The following RBM33 variants were observed in gnomAD, a reference collection of about 807,000 sequenced individuals.
RBM33 encodes RNA binding motif protein 33, also known as RNA-binding protein 33.
A neutral mutation model predicts 132.6 loss-of-function variants in RBM33; 28 were observed. The observed-to-expected ratio is 0.21, with a 90% CI of 0.16 to 0.29. The LOEUF (loss-of-function observed/expected upper bound fraction) is 0.29, where lower values mean the gene tolerates loss of function less well. Ranked by LOEUF, RBM33 falls within the 10% of genes least tolerant of loss-of-function variation. The pLI is 1.00. For synonymous variants in RBM33, 634 were observed against 593.0 expected, an observed-to-expected ratio of 1.07 and a Z score of -1.01; for missense variants, 1,291 against 1,518.5, an observed-to-expected ratio of 0.85 and a Z score of 2.49.
intron 1 of RBM33, among the ~76,000 whole-genome samples, chr7:155,646,294 A>G (rs1798190849): frequency 6.6e-6 from 1 of 152,252 alleles, no homozygotes; most frequent in African/African-American, 2.4e-5. Flanking sequence ...AATTTCTAAA[A>G]TAGTAATATC....
intron 14 of RBM33, among the ~76,000 whole-genome samples, chr7:155,754,791 C>T (rs1282261210): frequency 6.6e-6 from 1 of 152,242 alleles, no homozygotes; most frequent in Non-Finnish European, 1.5e-5. Context: ...GCTAAGAGAA[C>T]CCTTTTCTTT....
chr7:155,727,205 G>A (rs974720388), intron 9 of RBM33, among the ~76,000 whole-genome samples: 22 of 152,194 alleles, frequency 1.4e-4, no homozygotes, highest in African/African-American at 1.4e-4. Flanking sequence ...ATTCCAGGCC[G>A]AAAGGAGGAG....
At chr7:155,697,574 A>C (rs1008987544) in intron 5 of RBM33, among the ~76,000 whole-genome samples, 1 of 151,972 alleles carries the variant, frequency 6.6e-6, no homozygotes, top group African/African-American at 2.4e-5. Context: ...CTCTCTATAT[A>C]TATAGATTTG....
chr7:155,692,640 T>TCTCCTA (rs1799679155), intron 5 of RBM33, among the ~76,000 whole-genome samples: 9 of 152,194 alleles, frequency 5.9e-5, no homozygotes, highest in Non-Finnish European at 4.4e-5. Context: ...CAGATAACAT[T>TCTCCTA]GTCCTAGTCT....
intron 14 of RBM33, among the ~76,000 whole-genome samples, chr7:155,749,597 A>AATG (rs372803053): frequency 1.9e-4 from 29 of 149,924 alleles, no homozygotes; most frequent in Middle Eastern, 3.4e-3. Context: ...CTCCTAGGAT[A>AATG]ATGATGATGA....
At chr7:155,653,461 G>A (rs1798409542) in intron 1 of RBM33, among the ~76,000 whole-genome samples, 1 of 151,726 alleles carries the variant, frequency 6.6e-6, no homozygotes, top group South Asian at 2.1e-4. Context: ...CTACACTAAT[G>A]AGATGGCTTA....
At chr7:155,690,452 A>G (rs1167455666) in intron 5 of RBM33, among the ~76,000 whole-genome samples, 1 of 152,174 alleles carries the variant, frequency 6.6e-6, no homozygotes, top group Non-Finnish European at 1.5e-5. Flanking sequence ...TAATTGGAGC[A>G]TTTAGCCCAT....
At chr7:155,739,668 G>C (rs1286372348) in intron 11 of RBM33, 47 bp from the exon 12 acceptor site, 1 of 1,495,434 alleles carries the variant, frequency 6.7e-7, no homozygotes, top group South Asian at 1.3e-5. Context: ...ATTATGCCCG[G>C]TGTAACCATT....
chr7:155,667,886 T>A (rs1025369770), intron 2 of RBM33, among the ~76,000 whole-genome samples: 4 of 152,212 alleles, frequency 2.6e-5, no homozygotes, highest in Non-Finnish European at 5.9e-5. Flanking sequence ...AATAGACTAG[T>A]ACAGTGAACC....
At chr7:155,716,201 G>C (rs1253074233) in intron 8 of RBM33, among the ~76,000 whole-genome samples, 1 of 152,142 alleles carries the variant, frequency 6.6e-6, no homozygotes, top group East Asian at 1.9e-4. Flanking sequence ...ACATGCCTGG[G>C]TATTCCCACT....
chr7:155,671,585 G>T (rs1372675985), intron 2 of RBM33, among the ~76,000 whole-genome samples: 75 of 152,128 alleles, frequency 4.9e-4, no homozygotes, highest in Non-Finnish European at 1.5e-5. Context: ...CTGCAAAGTG[G>T]CATGCTAAAA....
In RBM33 at chr7:155,776,081, A is replaced by C. The variant is rs907801178; in HGVS notation, c.*1040A>C. 1 of 152,380 alleles carries C rather than the reference A, an allele frequency of 6.6e-6. No individual in the cohort carries two copies. The highest frequency in any genetic ancestry group is 1.5e-5 in the Non-Finnish European group (1 of 68,052). 9.4% of individuals were successfully genotyped at this position (152,380 alleles called of 1,614,324 possible). ...CTTTCTTCCAGCCCCAAATGAGACG[A>C]GTCTGTGTCATCATTGAAACTGCTT... On this transcript the variant is annotated 3_prime_UTR_variant, in exon 18 of 18. Transcript: ENST00000401878. The surrounding 1 kb of genome is among the most constrained non-coding windows in gnomAD (Gnocchi z 4.0).
At chr7:155,732,927 G>T (rs1397652640) in intron 9 of RBM33, among the ~76,000 whole-genome samples, 2 of 152,192 alleles carry the variant, frequency 1.3e-5, no homozygotes, top group Non-Finnish European at 2.9e-5. Context: ...CCAGTTCATG[G>T]GATTCTTCGT....
rs11417256 is a variant in RBM33 at position 155,693,332 on chromosome 7, C to CTT, written c.568-7431_568-7430dup. ...TGTTTCACTCTTGTGATTTTTTTTT[C>CTT]TTTTTTTTTTTCTTTTTTTGCTGTT... is the stretch of plus-strand genomic sequence containing the variant. On this transcript the variant is annotated intron_variant, in intron 5 of 17. Coordinates refer to ENST00000401878, the MANE Select transcript of RBM33 (RefSeq NM_053043.3). 3.5e-3 allele frequency among the ~76,000 whole-genome samples: 513 copies of CTT among 146,688 alleles called. 1 individual carries two copies. Among genetic ancestry groups the CTT allele is most frequent in the Middle Eastern group, 0.011 (3 of 284 alleles).
chr7:155,645,485 T>G (rs1798159471), intron 1 of RBM33, among the ~76,000 whole-genome samples: 1 of 152,266 alleles, frequency 6.6e-6, no homozygotes, highest in South Asian at 2.1e-4. Flanking sequence ...ATTTGTTGTC[T>G]AATAACCTGT....
At chr7:155,650,030 C>T (rs1161607961) in intron 1 of RBM33, among the ~76,000 whole-genome samples, 1 of 152,200 alleles carries the variant, frequency 6.6e-6, no homozygotes, top group Non-Finnish European at 1.5e-5. Context: ...CCAACACTCT[C>T]ATTCCTTCAT....
Position 155,740,020 on chromosome 7 carries a change from C to A in RBM33, c.2043C>A (p.Leu681=). The change falls in exon 12 of 18, where the codon CTC becomes CTA. Residue 681 remains leucine, a synonymous_variant. Transcript: ENST00000401878. Reference sequence around the variant, plus strand: ...TGCAGTGCCCCCAGCGCCAGGGGCTCCGGCATGTAAGTGTCAAGGGGTGTC... The same window carrying A: ...TGCAGTGCCCCCAGCGCCAGGGGCTACGGCATGTAAGTGTCAAGGGGTGTC... The part of the protein sequence containing the change: ...SRMQCPQRQG[L]RHNTTSQNVS... The A allele has an allele frequency of 1.3e-6, 2 of 1,544,100 alleles. No homozygotes were observed. The highest frequency in any genetic ancestry group is 2.3e-5 in the East Asian group (1 of 42,770).
chr7:155,744,823 T>C, intron 13 of RBM33, 138 bp from the exon 14 acceptor site: 2 of 857,428 alleles, frequency 2.3e-6, no homozygotes, highest in Non-Finnish European at 3.4e-6. Flanking sequence ...ACTTAAAGTC[T>C]TCAAACAGAT....
At chr7:155,703,406 A>G (rs1800022139) in intron 6 of RBM33, among the ~76,000 whole-genome samples, 1 of 152,146 alleles carries the variant, frequency 6.6e-6, no homozygotes, top group East Asian at 1.9e-4. Context: ...CTATAAACAT[A>G]TACAGCTTGA....
Sources: allele counts gnomAD v4.1 joint callset (sites outside exome capture counted in the v4.1 genomes callset), GRCh38; gene constraint gnomAD v4.1.1; non-coding constraint Gnocchi (gnomAD v3.1); transcripts MANE v1.5; gene names NCBI Gene and HGNC (gene_info 2026-07-23, HGNC 2026-07-21).